Variants in GPR108 observed in about 807,000 individuals in gnomAD.
GPR108 encodes protein GPR108.
A neutral mutation model predicts 74.3 loss-of-function variants in GPR108; 60 were observed. The ratio of observed to expected loss-of-function variants is 0.81; its 90% confidence interval spans 0.66 to 1.00. GPR108 has a LOEUF of 1.00. GPR108 is among the 50% of genes least tolerant of loss of function. GPR108 has a pLI of 0.00. For synonymous variants in GPR108, 311 were observed against 292.4 expected (o/e 1.06, Z -0.65); for missense variants, 667 against 703.3 (o/e 0.95, Z 0.58).
rs751420696 is a variant in GPR108 at position 6,736,597 on chromosome 19, G to C, written c.235C>G (p.Leu79Val). The C allele has an allele frequency of 2.5e-6, 4 of 1,613,596 alleles. No homozygotes were observed. The African/African-American group carries it at 5.3e-5, about 22-fold the overall frequency. Residue 79 changes from leucine to valine, a missense_variant, in exon 2 of 18, where the codon CTG becomes GTG. Leu to Val is a conservative substitution (Grantham distance 32). Coordinates refer to ENST00000264080, the MANE Select transcript of GPR108 (RefSeq NM_001080452.2). ...AACTCCTCAAGGTCCCTCACCAGCA[G>C]GGACTTCTCTTCTGCCTCCCGGAGG... ...LGLREAEEKS[L>V]LVGFSLSRVR...
chr19:6,730,477 C>G, intron 17 of GPR108, 93 bp from the exon 18 acceptor site: 1 of 1,030,862 alleles, frequency 9.7e-7, no homozygotes, highest in Non-Finnish European at 1.5e-6. Context: ...CCCACTCCCC[C>G]CAACCACAGC....
Position 6,730,240 on chromosome 19 carries a change from A to G in GPR108, c.*72T>C. 1 of 1,408,592 alleles carries G rather than the reference A, an allele frequency of 7.1e-7. No homozygotes were observed. Among genetic ancestry groups the G allele is most frequent in the Non-Finnish European group, 1.0e-6 (1 of 993,076 alleles). The allele number at this position is 1,408,592 out of a possible 1,614,324, so 87.3% of individuals were successfully genotyped here. A position where few individuals can be genotyped will look rare whatever the true frequency, so the allele number is the denominator to read the frequency against. On this transcript the variant is annotated 3_prime_UTR_variant, in exon 18 of 18. Coordinates refer to ENST00000264080, the MANE Select transcript of GPR108 (RefSeq NM_001080452.2). ...ATGGACCCCCTCCACCTCCCCACAT[A>G]CGCTGTGGAAGAAGGGCAGGAGTGA...
chr19:6,734,888 A>T (rs866746599), intron 4 of GPR108, among the ~76,000 whole-genome samples: 1 of 115,962 alleles, frequency 8.6e-6, no homozygotes, highest in Admixed American at 9.1e-5. Context: ...TATTATTATT[A>T]TTATTATTTT....
At chr19:6,733,402 G>A (rs1333404566) in intron 8 of GPR108, 101 bp from the exon 9 acceptor site, 2 of 1,359,914 alleles carry the variant, frequency 1.5e-6, no homozygotes, top group African/African-American at 2.9e-5. Flanking sequence ...TTTCTACTGG[G>A]CCACTCATCC....
intron 15 of GPR108, 54 bp downstream of exon 15, chr19:6,731,419 G>C: frequency 4.7e-6 from 7 of 1,505,010 alleles, no homozygotes; most frequent in Non-Finnish European, 6.2e-6. Flanking sequence ...TGGGGTGGGC[G>C]TGCAGCAGGC....
At position 6,730,339 on chromosome 19, in the gene GPR108, T is replaced by C. The variant is rs1968337736; in HGVS notation, c.1605A>G (p.Lys535=). 1.2e-6 allele frequency: 2 copies of C among 1,613,640 alleles called. No individual in the cohort carries two copies. The highest frequency in any genetic ancestry group is 1.7e-6 in the Non-Finnish European group (2 of 1,179,884). The stretch of plus-strand genomic sequence containing the variant: ...ATAACAGTTCCCGCCCGCTGGCTGT[T>C]TTGTTGACTTTGGAGAGGCCTTCCC... ...GFREGLSKVN[K]TASGRELL Residue 535 remains lysine (K), a synonymous_variant, in exon 18 of 18, where the codon AAA becomes AAG. Transcript: ENST00000264080.
At chr19:6,733,103 A>C in intron 9 of GPR108, 41 bp from the exon 10 acceptor site, 1 of 1,613,546 alleles carries the variant, frequency 6.2e-7, no homozygotes. Flanking sequence ...GCGGGGCATC[A>C]GCAGAGCATA....
At position 6,733,154 on chromosome 19, in the gene GPR108, G is replaced by A; in HGVS notation, c.857+14C>T. On this transcript the variant is annotated intron_variant, in intron 9 of 17. Transcript: ENST00000264080. The stretch of plus-strand genomic sequence containing the variant: ...TGAAGGGACGTGGGGGACCCTCAGG[G>A]GCAGGGGCATTACGTGTTCCTGCAG... 2 of 1,613,970 alleles carry A rather than the reference G, an allele frequency of 1.2e-6. No homozygotes were observed. The highest frequency in any genetic ancestry group is 8.5e-7 in the Non-Finnish European group (1 of 1,179,978).
Position 6,732,886 on chromosome 19 carries a change from G to T in GPR108, c.933+101C>A, listed in dbSNP as rs564091933. 3.9e-6 allele frequency: 4 copies of T among 1,030,578 alleles called. No homozygotes were observed. In the South Asian group the frequency reaches 5.8e-5, roughly 15 times the overall value. The allele number at this position is 1,030,578 out of a possible 1,614,324, so 63.8% of individuals were successfully genotyped here. A position where few individuals can be genotyped will look rare whatever the true frequency, so the allele number is the denominator to read the frequency against. ...ATGGGTGGACACGTGGATAGCTGGC[G>T]GATGGCCCTCCCACAGGCCCAGGGT... On this transcript the variant is annotated intron_variant, in intron 10 of 17. Transcript: ENST00000264080.
chr19:6,730,500 GC>G, intron 17 of GPR108, 116 bp from the exon 18 acceptor site: 1 of 801,334 alleles, frequency 1.2e-6, no homozygotes, highest in Non-Finnish European at 2.0e-6. Flanking sequence ...CCCTGGCCTT[GC>G]CCACTCTACC....
At chr19:6,735,493 G>A in intron 4 of GPR108, 129 bp downstream of exon 4, 1 of 786,214 alleles carries the variant, frequency 1.3e-6, no homozygotes, top group Non-Finnish European at 2.1e-6. Flanking sequence ...AGACTTGAAG[G>A]CAAAACTAAA....
In GPR108 at chr19:6,731,119, ACGGGGCGGAGTGGGGG is replaced by A. The variant is rs1968380727; in HGVS notation, c.1435-24_1435-9del. 1.2e-6 allele frequency: 2 copies of A among 1,612,126 alleles called. No homozygotes were observed. Among genetic ancestry groups the A allele is most frequent in the African/African-American group, 2.7e-5 (2 of 74,614 alleles). Reference sequence around the variant, plus strand: ...GGAGCCCTCCACCAAGAGCTGGGGGACGGGGCGGAGTGGGGGCGTCAGGCGCACCCCCACCCCCACC... The same window carrying A: ...GGAGCCCTCCACCAAGAGCTGGGGGACGTCAGGCGCACCCCCACCCCCACC... On this transcript the variant is annotated splice_polypyrimidine_tract_variant and intron_variant, in intron 16 of 17. Transcript: ENST00000264080.
At position 6,737,575 on chromosome 19, in the gene GPR108, ATC is replaced by A; in HGVS notation, c.-1_1del. ...GAGCCCCCTCCTCTCGCTCACTGCC[ATC>A]TCTGGAGCCACCTCCTCCCCGACTC... On this transcript the variant is annotated start_lost and start_retained_variant and 5_prime_UTR_variant, in exon 1 of 18. Transcript: ENST00000264080. The A allele has an allele frequency of 2.0e-6, 3 of 1,485,384 alleles. No individual in the cohort carries two copies. The highest frequency in any genetic ancestry group is 2.7e-6 in the Non-Finnish European group (3 of 1,123,000). 92.0% of individuals were successfully genotyped at this position (1,485,384 alleles called of 1,614,324 possible).
At chr19:6,733,795 G>T in intron 7 of GPR108, 50 bp downstream of exon 7, 4 of 1,601,884 alleles carry the variant, frequency 2.5e-6, no homozygotes, top group Non-Finnish European at 2.6e-6. Context: ...CAGCTTGGGG[G>T]TCCCGTGCTC....
intron 9 of GPR108, 23 bp downstream of exon 9, chr19:6,733,145 A>AC (rs1568238387): frequency 1.2e-6 from 2 of 1,613,368 alleles, no homozygotes. Flanking sequence ...GACGTGGGGG[A>AC]CCCTCAGGGG....
In GPR108 at chr19:6,733,154, G is replaced by T; in HGVS notation, c.857+14C>A. The T allele has an allele frequency of 6.2e-7, 1 of 1,613,970 alleles. No homozygotes were observed. Among genetic ancestry groups the T allele is most frequent in the Non-Finnish European group, 8.5e-7 (1 of 1,179,978 alleles). On this transcript the variant is annotated intron_variant, in intron 9 of 17. Transcript: ENST00000264080. Reference sequence around the variant, plus strand: ...TGAAGGGACGTGGGGGACCCTCAGGGGCAGGGGCATTACGTGTTCCTGCAG... The same window carrying T: ...TGAAGGGACGTGGGGGACCCTCAGGTGCAGGGGCATTACGTGTTCCTGCAG...
In GPR108 at chr19:6,736,660, C is replaced by T. The variant is rs779262575; in HGVS notation, c.172G>A (p.Gly58Ser). ...QLNSFGFYTN[G>S]SLEVELSVLR... The stretch of plus-strand genomic sequence containing the variant: ...ACGCTCAACTCCACCTCCAGAGAGC[C>T]ATTGGTGTAGAAACCGAAGCTGTTC... Residue 58 changes from glycine to serine, a missense_variant, in exon 2 of 18, where the codon GGC becomes AGC. Gly to Ser is a moderately conservative substitution (Grantham distance 56). Coordinates refer to ENST00000264080, the MANE Select transcript of GPR108 (RefSeq NM_001080452.2). 3.1e-6 allele frequency: 5 copies of T among 1,614,002 alleles called. No homozygotes were observed. The highest frequency in any genetic ancestry group is 4.2e-6 in the Non-Finnish European group (5 of 1,180,020).
Position 6,732,011 on chromosome 19 carries a change from G to C in GPR108, c.1256+14C>G. ...GCACAGGGCAGAGCCTCAGCCCGGG[G>C]GCAGGGTCCTCACCAGACTACGGGG... On this transcript the variant is annotated intron_variant, in intron 13 of 17. Coordinates refer to ENST00000264080, the MANE Select transcript of GPR108 (RefSeq NM_001080452.2). The C allele has an allele frequency of 6.2e-7, 1 of 1,613,710 alleles. No individual in the cohort carries two copies. Among genetic ancestry groups the C allele is most frequent in the Non-Finnish European group, 8.5e-7 (1 of 1,179,946 alleles).
At position 6,731,288 on chromosome 19, in the gene GPR108, G is replaced by C. The variant is rs1342655088; in HGVS notation, c.1351-6C>G. 5.8e-6 allele frequency: 9 copies of C among 1,546,202 alleles called. No individual in the cohort carries two copies. The South Asian group carries it at 9.9e-5, about 17-fold the overall frequency. ...AAGTAGACGTAGCAGATGACCTGCA[G>C]GGGCGCGAGCAGGCGTGGGGCCAGG... On this transcript the variant is annotated splice_polypyrimidine_tract_variant and splice_region_variant and intron_variant, in intron 15 of 17. Coordinates refer to ENST00000264080, the MANE Select transcript of GPR108 (RefSeq NM_001080452.2).
Sources: gnomAD v4.1 joint callset for allele counts (sites outside exome capture counted in the v4.1 genomes callset) on GRCh38, gnomAD v4.1.1 for gene constraint, MANE v1.5 for transcripts, NCBI Gene and HGNC (gene_info 2026-07-23, HGNC 2026-07-21) for gene names.